The following FAM228B variants were observed in gnomAD, a reference collection of about 807,000 sequenced individuals.
FAM228B encodes the protein family with sequence similarity 228 member B.
A neutral mutation model predicts 42.6 loss-of-function variants in FAM228B; 38 were observed. The observed-to-expected ratio is 0.89, with a 90% CI of 0.69 to 1.17. The LOEUF is 1.17. FAM228B is among the 50% of genes most tolerant of loss of function. The pLI, the probability that FAM228B is intolerant of heterozygous loss-of-function variation, is 0.00. For synonymous variants in FAM228B, 109 were observed against 122.3 expected, an observed-to-expected ratio of 0.89 and a Z score of 0.72; for missense variants, 344 against 367.3, an observed-to-expected ratio of 0.94 and a Z score of 0.52.
chr2:24,167,282 C>T (rs147303318), intron 9 of FAM228B, among the ~76,000 whole-genome samples: 102 of 152,130 alleles, frequency 6.7e-4, no homozygotes, highest in African/African-American at 2.5e-3. Flanking sequence ...GAAATCAGTG[C>T]GGAGGGGCCT....
intron 5 of FAM228B, among the ~76,000 whole-genome samples, chr2:24,140,322 G>A (rs930105720): frequency 1.3e-5 from 2 of 152,086 alleles, no homozygotes; most frequent in African/African-American, 2.4e-5. Flanking sequence ...GATTACAGGC[G>A]TGTGCCATCA....
At chr2:24,105,669 CA>C (rs1288558679) in intron 3 of FAM228B, among the ~76,000 whole-genome samples, 1 of 152,120 alleles carries the variant, frequency 6.6e-6, no homozygotes, top group Non-Finnish European at 1.5e-5. Flanking sequence ...TGAAGATCAT[CA>C]AGATTCAGGA....
At chr2:24,133,507 T>A (rs1262743594) in intron 2 of FAM228B, among the ~76,000 whole-genome samples, 1 of 152,236 alleles carries the variant, frequency 6.6e-6, no homozygotes, top group Non-Finnish European at 1.5e-5. Context: ...GCAGTGGGAC[T>A]GAAGACAACT....
chr2:24,165,579 T>G, intron 9 of FAM228B: 1 of 396,942 alleles, frequency 2.5e-6, no homozygotes, highest in Non-Finnish European at 5.1e-6. Flanking sequence ...CTTCTGACCC[T>G]GATCTGGATT....
At chr2:24,079,598 T>C (rs1182908414) in intron 1 of FAM228B, 2 of 1,613,942 alleles carry the variant, frequency 1.2e-6, no homozygotes, top group Admixed American at 1.7e-5. Context: ...CTTCTCCCAG[T>C]AGGATCCGCC....
At chr2:24,079,438 A>G in intron 1 of FAM228B, 2 of 1,613,366 alleles carry the variant, frequency 1.2e-6, no homozygotes, top group Non-Finnish European at 1.7e-6. Flanking sequence ...TTCATTCATC[A>G]CTCACCTTAT....
In FAM228B at chr2:24,077,316, C is replaced by A; in HGVS notation, c.-290+347C>A. 1 of 343,308 alleles carries A rather than the reference C, an allele frequency of 2.9e-6. No homozygotes were observed. The highest frequency in any genetic ancestry group is 4.2e-5 in the Admixed American group (1 of 23,568). 21.3% of individuals were successfully genotyped at this position (343,308 alleles called of 1,614,324 possible). A position where few individuals can be genotyped will look rare whatever the true frequency, so the allele number is the denominator to read the frequency against. On this transcript the variant is annotated intron_variant, in intron 1 of 10. Transcript: ENST00000613899. The surrounding 1 kb of genome is among the most constrained non-coding windows in gnomAD (Gnocchi z 5.5). Reference sequence around the variant, plus strand: ...TGTAACTATACCCAGAATCTCCGTCCCTGGAGGGGCCCTCAGGTTGAGCGT... The same window carrying A: ...TGTAACTATACCCAGAATCTCCGTCACTGGAGGGGCCCTCAGGTTGAGCGT...
chr2:24,167,855 C>A, intron 10 of FAM228B, 172 bp downstream of exon 10: 3 of 718,356 alleles, frequency 4.2e-6, no homozygotes, highest in Non-Finnish European at 6.5e-6. Context: ...CAGTGTAAGG[C>A]ATTCTCTGGG....
chr2:24,155,755 G>T (rs928693346), intron 7 of FAM228B, among the ~76,000 whole-genome samples: 4 of 151,690 alleles, frequency 2.6e-5, no homozygotes, highest in Non-Finnish European at 5.9e-5. Context: ...TGGCCAGGCT[G>T]GTCTCGAACT....
upstream of FAM228B, chr2:24,119,518 G>A (rs958471950): frequency 1.3e-5 from 16 of 1,239,622 alleles, no homozygotes; most frequent in East Asian, 9.3e-5. Context: ...TCTGTTACTC[G>A]TAGTCGGAAG....
chr2:24,090,779 AG>A (rs1351014792), intron 2 of FAM228B, among the ~76,000 whole-genome samples: 1 of 152,128 alleles, frequency 6.6e-6, no homozygotes, highest in Non-Finnish European at 1.5e-5. Context: ...TAAGGATAAA[AG>A]GAAAGTATTT....
chr2:24,088,120 C>G (rs1665303734), intron 2 of FAM228B, among the ~76,000 whole-genome samples: 1 of 151,980 alleles, frequency 6.6e-6, no homozygotes, highest in Admixed American at 6.6e-5. Context: ...TCAGGTTATC[C>G]ATTTGCCTAG....
At chr2:24,162,719 T>C (rs1667313310) in intron 8 of FAM228B, among the ~76,000 whole-genome samples, 1 of 152,200 alleles carries the variant, frequency 6.6e-6, no homozygotes, top group African/African-American at 2.4e-5. Context: ...GGTATATCCA[T>C]ACAATGGAAT....
intron 8 of FAM228B, among the ~76,000 whole-genome samples, chr2:24,163,741 G>C (rs1007441640): frequency 3.9e-5 from 6 of 152,184 alleles, no homozygotes; most frequent in Non-Finnish European, 8.8e-5. Context: ...TGTGAAGGAG[G>C]ATATTGCATT....
intron 2 of FAM228B, 91 bp downstream of exon 2, chr2:24,124,551 T>A: frequency 1.4e-6 from 1 of 708,734 alleles, no homozygotes; most frequent in Non-Finnish European, 2.3e-6. Context: ...GTTTTTTCTA[T>A]TGTTTGTTTT....
chr2:24,146,720 A>AC (rs1666903027), intron 5 of FAM228B, 28 bp from the exon 6 acceptor site: 2 of 1,483,618 alleles, frequency 1.3e-6, no homozygotes, highest in South Asian at 2.5e-5. Flanking sequence ...CTTGCAACTC[A>AC]GTGCTTAAAC....
At chr2:24,124,178 C>G (rs997157392) in intron 1 of FAM228B, 152 bp from the exon 2 acceptor site, 16 of 501,238 alleles carry the variant, frequency 3.2e-5, no homozygotes, top group African/African-American at 1.8e-4. Flanking sequence ...AAGCCGTCAT[C>G]TGGAGTCTGT....
At position 24,147,019 on chromosome 2, in the gene FAM228B, A is replaced by G. The variant is rs1261458780; in HGVS notation, c.619A>G (p.Ile207Val). 3.2e-6 allele frequency: 5 copies of G among 1,551,470 alleles called. No individual in the cohort carries two copies. Among genetic ancestry groups the G allele is most frequent in the African/African-American group, 1.4e-5 (1 of 73,164 alleles). The change falls in exon 7 of 11, where the codon ATA becomes GTA. Residue 207 changes from isoleucine (I) to valine (V), a missense_variant. Ile to Val is a conservative substitution (Grantham distance 29). Transcript: ENST00000615575. ...ACAAATTTCTAATTCAAGGCACTTT[A>G]TAACTCCAAACGAGTGGCTGAAACT... ...FPQISNSRHF[I>V]TPNEWLKLPT...
intron 2 of FAM228B, among the ~76,000 whole-genome samples, chr2:24,081,844 C>A (rs957624161): frequency 2.0e-5 from 3 of 151,924 alleles, no homozygotes; most frequent in African/African-American, 4.8e-5. Flanking sequence ...TACAGGTGCC[C>A]ACCACCACGC....
Sources: allele counts gnomAD v4.1 joint callset (sites outside exome capture counted in the v4.1 genomes callset), GRCh38; gene constraint gnomAD v4.1.1; non-coding constraint Gnocchi (gnomAD v3.1); transcripts MANE v1.5; gene names NCBI Gene and HGNC (gene_info 2026-07-23, HGNC 2026-07-21).